The following DDC variants were observed in gnomAD, a reference collection of about 807,000 sequenced individuals.
DDC encodes dopa decarboxylase, also known as aromatic-L-amino-acid decarboxylase.
In DDC, 43 loss-of-function variants were observed where a neutral mutation model predicts 60.0. The ratio of observed to expected loss-of-function variants is 0.72; its 90% CI spans 0.56 to 0.92. The LOEUF is 0.92. DDC is among the 40% of genes least tolerant of loss of function. The probability of loss-of-function intolerance (pLI) is 0.00; values close to 1 mark genes in which losing one functional copy is unlikely to be tolerated. For synonymous variants in DDC, 232 were observed against 234.6 expected (o/e 0.99, Z 0.10); for missense variants, 573 against 620.2 (o/e 0.92, Z 0.81).
intron 7 of DDC, among the ~76,000 whole-genome samples, chr7:50,501,964 C>G (rs893807374): frequency 1.3e-5 from 2 of 152,116 alleles, no homozygotes; most frequent in African/African-American, 4.8e-5. Context: ...ATCCCAGCTA[C>G]TCAGAAAGCT....
At chr7:50,541,841 T>A (rs1194701560) in intron 2 of DDC, among the ~76,000 whole-genome samples, 1 of 152,200 alleles carries the variant, frequency 6.6e-6, no homozygotes, top group African/African-American at 2.4e-5. Context: ...TTGTCTAAGA[T>A]GTAGCATGAG....
intron 6 of DDC, among the ~76,000 whole-genome samples, chr7:50,524,014 G>C (rs2043969806): frequency 6.6e-6 from 1 of 152,172 alleles, no homozygotes; most frequent in Non-Finnish European, 1.5e-5. Flanking sequence ...AGTACAAAAA[G>C]ACATGGAGGA....
intron 14 of DDC, chr7:50,459,807 C>T (rs2042217232): frequency 6.7e-6 from 1 of 150,144 alleles, no homozygotes; most frequent in South Asian, 2.0e-4. Flanking sequence ...CCCGCCAGGC[C>T]AGCCGCCCCG....
At chr7:50,527,857 T>C (rs2044079016) in intron 6 of DDC, 1 of 333,456 alleles carries the variant, frequency 3.0e-6, no homozygotes, top group Non-Finnish European at 5.6e-6. Context: ...TGACTTGAAT[T>C]GACAAAACAA....
At chr7:50,476,094 G>A (rs974550401) in intron 11 of DDC, among the ~76,000 whole-genome samples, 6 of 152,124 alleles carry the variant, frequency 3.9e-5, no homozygotes, top group African/African-American at 1.2e-4. Flanking sequence ...GATAAGCTTC[G>A]CAGTACTGCC....
intron 1 of DDC, among the ~76,000 whole-genome samples, chr7:50,548,322 G>A (rs1326817935): frequency 1.3e-5 from 2 of 152,212 alleles, no homozygotes; most frequent in Non-Finnish European, 2.9e-5. Context: ...GAGTGAGGAA[G>A]GCATGTCAAA....
At chr7:50,560,227 T>A (rs2045311235) in intron 1 of DDC, among the ~76,000 whole-genome samples, 1 of 152,142 alleles carries the variant, frequency 6.6e-6, no homozygotes. Context: ...GAGGGGAAAC[T>A]CTGCTTATCT....
rs11575417 is a variant in DDC, at chr7:50,495,221, G to C, written c.944+129C>G. The stretch of plus-strand genomic sequence containing the variant: ...AAGAATTAGCAATAATTCCATCAAG[G>C]GTTCAGAAAAGGCAGCAAGCAGTGA... On this transcript the variant is annotated intron_variant, in intron 9 of 14. Coordinates refer to ENST00000444124, the MANE Select transcript of DDC (RefSeq NM_001082971.2). 2.4e-4 allele frequency: 179 copies of C among 731,564 alleles called. 1 individual carries two copies. Among genetic ancestry groups the C allele is most frequent in the African/African-American group, 2.3e-3 (135 of 57,934 alleles). The allele number at this position is 731,564 out of a possible 1,614,324, so 45.3% of individuals were successfully genotyped here.
At chr7:50,476,482 A>G (rs2042646575) in intron 11 of DDC, 142 bp downstream of exon 11, 1 of 782,360 alleles carries the variant, frequency 1.3e-6, no homozygotes, top group South Asian at 1.5e-5. Context: ...GGACCCCCCT[A>G]ATTTGTCAGT....
At chr7:50,558,566 T>A (rs894026955) in intron 1 of DDC, among the ~76,000 whole-genome samples, 24 of 152,226 alleles carry the variant, frequency 1.6e-4, no homozygotes, top group Admixed American at 1.3e-4. Context: ...CTCAAGCTCC[T>A]GATAAGCTCG....
At chr7:50,460,723 C>G (rs1302553383) in intron 14 of DDC, among the ~76,000 whole-genome samples, 1 of 149,506 alleles carries the variant, frequency 6.7e-6, no homozygotes, top group African/African-American at 2.6e-5. Context: ...TCTTCTGCCT[C>G]GTGATCCTGT....
intron 7 of DDC, 129 bp from the exon 8 acceptor site, chr7:50,499,371 G>A: frequency 1.4e-6 from 1 of 711,562 alleles, no homozygotes; most frequent in Admixed American, 2.0e-5. Flanking sequence ...ACTAATGGCT[G>A]AATCCCCAAA....
chr7:50,516,043 C>T (rs377227995), intron 6 of DDC, among the ~76,000 whole-genome samples: 2 of 152,140 alleles, frequency 1.3e-5, no homozygotes, highest in Non-Finnish European at 2.9e-5. Context: ...AACAAAGAAA[C>T]AATGGATTTA....
At chr7:50,486,152 C>T (rs2042875124) in intron 9 of DDC, among the ~76,000 whole-genome samples, 1 of 152,186 alleles carries the variant, frequency 6.6e-6, no homozygotes, top group African/African-American at 2.4e-5. Flanking sequence ...CTGATTTTGG[C>T]TCATTTACAC....
intron 9 of DDC, among the ~76,000 whole-genome samples, chr7:50,486,639 C>A (rs997024230): frequency 1.3e-5 from 2 of 152,118 alleles, no homozygotes; most frequent in Non-Finnish European, 2.9e-5. Context: ...CTCCACCTCC[C>A]AGGACCTCAG....
At chr7:50,558,950 C>T (rs2045268962) in intron 1 of DDC, among the ~76,000 whole-genome samples, 1 of 152,202 alleles carries the variant, frequency 6.6e-6, no homozygotes, top group African/African-American at 2.4e-5. Context: ...TGCCTCCACC[C>T]ACCTGGGCTG....
At chr7:50,473,783 T>C (rs912533258) in intron 11 of DDC, among the ~76,000 whole-genome samples, 2 of 152,250 alleles carry the variant, frequency 1.3e-5, no homozygotes, top group African/African-American at 4.8e-5. Flanking sequence ...AGAGGAGAGC[T>C]GGCAGGCAGA....
intron 1 of DDC, among the ~76,000 whole-genome samples, chr7:50,555,064 G>C (rs1299676006): frequency 6.6e-6 from 1 of 152,200 alleles, no homozygotes; most frequent in Non-Finnish European, 1.5e-5. Flanking sequence ...AGAGATGGGA[G>C]AGACTGTGCT....
At chr7:50,472,957 C>A (rs2042565843) in intron 11 of DDC, among the ~76,000 whole-genome samples, 1 of 152,102 alleles carries the variant, frequency 6.6e-6, no homozygotes, top group Admixed American at 6.6e-5. Context: ...CCTCTTTGAA[C>A]AAAATGAGAA....
Sources: allele counts gnomAD v4.1 joint callset (sites outside exome capture counted in the v4.1 genomes callset), GRCh38; gene constraint gnomAD v4.1.1; transcripts MANE v1.5; gene names NCBI Gene and HGNC (gene_info 2026-07-23, HGNC 2026-07-21).